TNNI3K: variants seen among roughly 807,000 people sequenced by gnomAD.
The protein encoded by TNNI3K is TNNI3 interacting kinase, also known as serine/threonine-protein kinase TNNI3K.
TNNI3K carries 140 observed loss-of-function variants against 114.5 expected under a neutral mutation model. The observed-to-expected ratio is 1.22, with a 90% confidence interval of 1.07 to 1.41. The LOEUF is 1.41. Among genes scored for constraint, TNNI3K ranks in the 40% most tolerant of loss-of-function variants. TNNI3K has a pLI of 0.00. For missense variants in TNNI3K, 1,125 were observed against 1,007.6 expected (o/e 1.12, Z -1.58); for synonymous variants, 347 against 347.5 (o/e 1.00, Z 0.02).
intron 17 of TNNI3K, among the ~76,000 whole-genome samples, chr1:74,391,587 A>C (rs1663774166): frequency 6.6e-6 from 1 of 152,248 alleles, no homozygotes; most frequent in African/African-American, 2.4e-5. Flanking sequence ...TTAGACATTT[A>C]AGAAGAGACC....
chr1:74,331,080 G>C (rs890894925), intron 5 of TNNI3K, among the ~76,000 whole-genome samples: 6 of 152,162 alleles, frequency 3.9e-5, no homozygotes, highest in African/African-American at 1.4e-4. Context: ...TTTAGCTGGA[G>C]ATAAAGCATG....
At chr1:74,338,639 T>C (rs1424319049) in intron 7 of TNNI3K, among the ~76,000 whole-genome samples, 2 of 152,224 alleles carry the variant, frequency 1.3e-5, no homozygotes, top group South Asian at 4.1e-4. Flanking sequence ...AAAATTCAGA[T>C]TGATATTTAG....
At chr1:74,280,042 C>T (rs1656910641) in intron 5 of TNNI3K, among the ~76,000 whole-genome samples, 1 of 8,894 alleles carries the variant, frequency 1.1e-4, no homozygotes, top group South Asian at 6.2e-3. Context: ...TTCATAATAA[C>T]CAAAAATCAG....
intron 5 of TNNI3K, among the ~76,000 whole-genome samples, chr1:74,276,309 A>C (rs1047773404): frequency 6.6e-6 from 1 of 152,154 alleles, no homozygotes; most frequent in Non-Finnish European, 1.5e-5. Context: ...TTAAAGTTGT[A>C]TATTGGGCAT....
Position 74,249,523 on chromosome 1 carries a change from CATTTATG to C in TNNI3K, c.215_221del (p.His72LeufsTer16). On this transcript the variant is annotated frameshift_variant, in exon 3 of 25. Coordinates refer to ENST00000326637, the MANE Select transcript of TNNI3K (RefSeq NM_015978.3). LOFTEE classifies it high-confidence loss of function. ...CACTGAAAATGGGCTGTCTCTACTT[CATTTATG>C]TTGCATTTGTGGAGGTGAGTACTTG... 6.2e-7 allele frequency: 1 copy of C among 1,613,384 alleles called. No individual in the cohort carries two copies. Among genetic ancestry groups the C allele is most frequent in the Non-Finnish European group, 8.5e-7 (1 of 1,179,704 alleles).
chr1:74,242,266 G>C (rs895604484), intron 2 of TNNI3K, among the ~76,000 whole-genome samples: 1 of 152,040 alleles, frequency 6.6e-6, no homozygotes. Context: ...AATTGACTAG[G>C]TTTAATTATG....
At chr1:74,358,227 C>A (rs565653322) in intron 11 of TNNI3K, among the ~76,000 whole-genome samples, 1 of 152,110 alleles carries the variant, frequency 6.6e-6, no homozygotes, top group Non-Finnish European at 1.5e-5. Context: ...TATACAGAGG[C>A]TCCTATCACA....
At chr1:74,358,535 A>G (rs12127173) in intron 11 of TNNI3K, among the ~76,000 whole-genome samples, 10,023 of 152,114 alleles carry the variant, frequency 0.066, 374 homozygotes, top group Middle Eastern at 0.099. Flanking sequence ...AGAGGAGTAC[A>G]AGTAAGAAGA....
chr1:74,457,453 G>T lies in TNNI3K; in HGVS notation c.2012-5988G>T, dbSNP rs985520464. On this transcript the variant is annotated intron_variant, in intron 20 of 24. Transcript: ENST00000326637. ...CAGATGCTATACACTCTGGTGATAC[G>T]TCATTGAAAAGTGTCAGTTTAACAA... is the stretch of plus-strand genomic sequence containing the variant. Among the ~76,000 whole-genome samples the T allele has an allele frequency of 3.3e-5, 5 of 152,232 alleles. No individual in the cohort carries two copies. The East Asian group carries it at 9.7e-4, about 29-fold the overall frequency.
chr1:74,267,152 T>C (rs559669268), intron 4 of TNNI3K, among the ~76,000 whole-genome samples: 9 of 152,082 alleles, frequency 5.9e-5, no homozygotes, highest in African/African-American at 1.9e-4. Flanking sequence ...TTTAAAAACA[T>C]TGCCATTAGA....
At chr1:74,473,161 A>G (rs1486468076) in intron 21 of TNNI3K, among the ~76,000 whole-genome samples, 1 of 152,176 alleles carries the variant, frequency 6.6e-6, no homozygotes, top group Non-Finnish European at 1.5e-5. Flanking sequence ...CATTGTGCTC[A>G]TAATGTACGT....
At chr1:74,391,957 A>ATTATTATTTTTTTTTTTTTTT (rs1369570973) in intron 17 of TNNI3K, among the ~76,000 whole-genome samples, 2 of 92,990 alleles carry the variant, frequency 2.2e-5, no homozygotes, top group Non-Finnish European at 4.4e-5. Flanking sequence ...ACAGCTTATT[A>ATTATTATTTTTTTTTTTTTTT]TTTTTTTTTT....
chr1:74,345,345 G>C (rs1224629780), intron 9 of TNNI3K, among the ~76,000 whole-genome samples: 1 of 152,046 alleles, frequency 6.6e-6, no homozygotes, highest in African/African-American at 2.4e-5. Flanking sequence ...CCTTAAAGGA[G>C]CCCTATTGTA....
At chr1:74,417,764 A>G (rs1319948209) in intron 17 of TNNI3K, among the ~76,000 whole-genome samples, 3 of 151,818 alleles carry the variant, frequency 2.0e-5, no homozygotes, top group Non-Finnish European at 4.4e-5. Context: ...TGAGAGAGAG[A>G]AAAGAATAAA....
At chr1:74,493,184 A>G (rs1669163371) in intron 23 of TNNI3K, among the ~76,000 whole-genome samples, 1 of 152,152 alleles carries the variant, frequency 6.6e-6, no homozygotes, top group Admixed American at 6.5e-5. Context: ...CAAAAAGCAA[A>G]TGGGTGCTTC....
At chr1:74,306,316 G>T (rs1658630661) in intron 5 of TNNI3K, among the ~76,000 whole-genome samples, 1 of 152,008 alleles carries the variant, frequency 6.6e-6, no homozygotes, top group Non-Finnish European at 1.5e-5. Context: ...CTTTGCTATT[G>T]TGAATTGTGC....
chr1:74,480,642 C>G lies in TNNI3K; in HGVS notation c.2122-8547C>G, dbSNP rs1173167780. Reference sequence around the variant, plus strand: ...GTGAGATTAGTAATCTGATTCCCATCCAGCTGGAGCCGGGTCAGGCCGCTT... The same window carrying G: ...GTGAGATTAGTAATCTGATTCCCATGCAGCTGGAGCCGGGTCAGGCCGCTT... On this transcript the variant is annotated intron_variant, in intron 21 of 24. Transcript: ENST00000326637. The G allele has an allele frequency of 4.2e-6, 3 of 717,270 alleles. No homozygotes were observed. In the Admixed American group the frequency reaches 6.0e-5, roughly 14 times the overall value. 44.4% of individuals were successfully genotyped at this position (717,270 alleles called of 1,614,324 possible). A position where few individuals can be genotyped will look rare whatever the true frequency, so the allele number is the denominator to read the frequency against.
intron 17 of TNNI3K, among the ~76,000 whole-genome samples, chr1:74,421,984 T>TTAC (rs1219932541): frequency 6.8e-5 from 8 of 118,282 alleles, no homozygotes; most frequent in African/African-American, 2.5e-4. Flanking sequence ...ATTATTATTA[T>TTAC]TATTATTATT....
chr1:74,314,045 T>TTGTTTA (rs1553130325), intron 5 of TNNI3K, among the ~76,000 whole-genome samples: 2 of 6,352 alleles, frequency 3.1e-4, no homozygotes, highest in African/African-American at 4.1e-4. Context: ...AGAAAGTTCA[T>TTGTTTA]TATATATATA....
Sources: gnomAD v4.1 joint callset for allele counts (sites outside exome capture counted in the v4.1 genomes callset) on GRCh38, gnomAD v4.1.1 for gene constraint, MANE v1.5 for transcripts, NCBI Gene and HGNC (gene_info 2026-07-23, HGNC 2026-07-21) for gene names.